SYN3: variants seen among roughly 807,000 people sequenced by gnomAD.
The protein encoded by SYN3 is synapsin III, also known as synapsin-3.
Under a neutral mutation model 65.8 loss-of-function variants are expected in SYN3, and 35 were observed. The ratio of observed to expected loss-of-function variants is 0.53; its 90% CI spans 0.41 to 0.70. The LOEUF (loss-of-function observed/expected upper bound fraction) is 0.70, where lower values mean the gene tolerates loss of function less well. Among genes scored for constraint, SYN3 ranks in the 30% least tolerant of loss-of-function variants. The pLI is 0.00. For synonymous variants in SYN3, 270 were observed against 292.9 expected (o/e 0.92, Z 0.80); for missense variants, 680 against 749.0 (o/e 0.91, Z 1.08).
intron 6 of SYN3, among the ~76,000 whole-genome samples, chr22:32,657,424 G>A (rs931873384): frequency 8.5e-5 from 13 of 152,082 alleles, no homozygotes; most frequent in African/African-American, 2.7e-4. Flanking sequence ...CGCCCGGCCC[G>A]AGCCACCCTC....
chr22:32,879,040 AT>A lies in SYN3; in HGVS notation c.462-9916del, dbSNP rs570553067. 1.3e-4 allele frequency among the ~76,000 whole-genome samples: 20 copies of A among 152,264 alleles called. No homozygotes were observed. In the East Asian group the frequency reaches 3.9e-3, roughly 29 times the overall value. ...TCACTATACTGACTGGTTAAAAAAA[AT>A]AAAGGTAACCAACACACACACAGAC... On this transcript the variant is annotated intron_variant, in intron 4 of 13. Coordinates refer to ENST00000358763, the MANE Select transcript of SYN3 (RefSeq NM_003490.4).
chr22:32,609,850 C>A (rs888456557), intron 6 of SYN3, among the ~76,000 whole-genome samples: 3 of 152,142 alleles, frequency 2.0e-5, no homozygotes, highest in Non-Finnish European at 4.4e-5. Context: ...TCAGTGAAAT[C>A]TGACCCACTA....
intron 4 of SYN3, among the ~76,000 whole-genome samples, chr22:32,881,233 G>A (rs1038689141): frequency 2.6e-5 from 4 of 152,184 alleles, no homozygotes; most frequent in Non-Finnish European, 5.9e-5. Flanking sequence ...GAGGAGAGAG[G>A]AGTGGGGGAA....
At chr22:32,627,540 C>A (rs7284915) in intron 6 of SYN3, among the ~76,000 whole-genome samples, 15,548 of 152,064 alleles carry the variant, frequency 0.1, 1,942 homozygotes, top group African/African-American at 0.3. Context: ...GAAGCTGAGA[C>A]TTTGATACAC....
intron 7 of SYN3, among the ~76,000 whole-genome samples, chr22:32,562,311 T>C (rs1239218806): frequency 6.6e-6 from 1 of 152,214 alleles, no homozygotes; most frequent in Non-Finnish European, 1.5e-5. Flanking sequence ...ACCCCTTGGC[T>C]TTGTCAGGCT....
chr22:32,685,850 G>T (rs2060582054), intron 6 of SYN3, among the ~76,000 whole-genome samples: 1 of 152,154 alleles, frequency 6.6e-6, no homozygotes, highest in Admixed American at 6.5e-5. Context: ...TTTAAGAAAT[G>T]ATGGTGGAAT....
intron 3 of SYN3, among the ~76,000 whole-genome samples, chr22:32,963,553 T>C (rs2051728008): frequency 6.6e-6 from 1 of 152,252 alleles, no homozygotes; most frequent in Non-Finnish European, 1.5e-5. Flanking sequence ...GTCAGATGCA[T>C]AGATATTCAT....
chr22:32,615,009 G>A (rs913922658), intron 6 of SYN3, among the ~76,000 whole-genome samples: 1 of 151,922 alleles, frequency 6.6e-6, no homozygotes, highest in African/African-American at 2.4e-5. Flanking sequence ...AAGAATAATT[G>A]GAAAGTAAAA....
At chr22:33,046,515 C>T (rs2054067541) in intron 1 of SYN3, among the ~76,000 whole-genome samples, 1 of 152,002 alleles carries the variant, frequency 6.6e-6, no homozygotes, top group Non-Finnish European at 1.5e-5. Context: ...GTCAGGAGTT[C>T]GAGACCAGCC....
chr22:32,642,664 G>A (rs1301073373), intron 6 of SYN3, among the ~76,000 whole-genome samples: 10 of 151,882 alleles, frequency 6.6e-5, no homozygotes, highest in Non-Finnish European at 8.8e-5. Context: ...TCCTGACCTC[G>A]TGATCCGCCC....
At chr22:32,904,643 G>C (rs1017622368) in intron 4 of SYN3, among the ~76,000 whole-genome samples, 2 of 152,006 alleles carry the variant, frequency 1.3e-5, no homozygotes, top group African/African-American at 4.8e-5. Context: ...CTTCCAAACA[G>C]GCAGAAAAAT....
chr22:32,613,691 C>T (rs1455639374), intron 6 of SYN3, among the ~76,000 whole-genome samples: 1 of 152,174 alleles, frequency 6.6e-6, no homozygotes, highest in Non-Finnish European at 1.5e-5. Context: ...GCTCTGTAAA[C>T]GTCAGGTGCT....
intron 6 of SYN3, among the ~76,000 whole-genome samples, chr22:32,797,724 G>A (rs553114192): frequency 2.6e-5 from 4 of 152,228 alleles, no homozygotes; most frequent in South Asian, 2.1e-4. Context: ...CTCAGTGTTC[G>A]TTGCGAAACT....
intron 6 of SYN3, among the ~76,000 whole-genome samples, chr22:32,785,773 C>T (rs1173596382): frequency 6.6e-6 from 1 of 152,114 alleles, no homozygotes; most frequent in Non-Finnish European, 1.5e-5. Context: ...ATGGTTTATC[C>T]ATCTGTTTCT....
intron 6 of SYN3, among the ~76,000 whole-genome samples, chr22:32,784,281 C>T (rs180690146): frequency 1.6e-4 from 24 of 152,230 alleles, no homozygotes; most frequent in African/African-American, 5.5e-4. Flanking sequence ...AGGGCATATG[C>T]GATTATATGA....
At chr22:32,568,245 C>A (rs1244154569) in intron 7 of SYN3, among the ~76,000 whole-genome samples, 2 of 152,218 alleles carry the variant, frequency 1.3e-5, no homozygotes, top group African/African-American at 4.8e-5. Flanking sequence ...AATTCCTACT[C>A]ATTCCTCAAA....
intron 6 of SYN3, among the ~76,000 whole-genome samples, chr22:32,677,003 A>G (rs2060455525): frequency 6.6e-6 from 1 of 152,334 alleles, no homozygotes; most frequent in Admixed American, 6.5e-5. Flanking sequence ...GAACCACGAC[A>G]ATTTGAAGTC....
At chr22:32,638,368 T>A (rs2059849008) in intron 6 of SYN3, among the ~76,000 whole-genome samples, 1 of 152,238 alleles carries the variant, frequency 6.6e-6, no homozygotes, top group East Asian at 1.9e-4. Flanking sequence ...CTGTTTTAAG[T>A]TCTTTGAGAA....
At chr22:32,523,934 A>G (rs1417662528) in intron 12 of SYN3, among the ~76,000 whole-genome samples, 1 of 152,224 alleles carries the variant, frequency 6.6e-6, no homozygotes, top group Non-Finnish European at 1.5e-5. Flanking sequence ...GATACGGAAA[A>G]ATTTGAGTGG....
Sources: gnomAD v4.1 joint callset for allele counts (sites outside exome capture counted in the v4.1 genomes callset) on GRCh38, gnomAD v4.1.1 for gene constraint, MANE v1.5 for transcripts, NCBI Gene and HGNC (gene_info 2026-07-23, HGNC 2026-07-21) for gene names.